GRAMD2B: variants seen among roughly 807,000 people sequenced by gnomAD.
GRAMD2B encodes GRAM domain-containing protein 2B.
GRAMD2B carries 41 observed loss-of-function variants against 59.2 expected under a neutral mutation model. The observed-to-expected ratio is 0.69, with a 90% CI of 0.54 to 0.90. The LOEUF is 0.90. Among genes scored for constraint, GRAMD2B ranks in the 40% least tolerant of loss-of-function variants. GRAMD2B has a pLI of 0.00. For missense variants in GRAMD2B, 424 were observed against 500.5 expected, an observed-to-expected ratio of 0.85 and a Z score of 1.46; for synonymous variants, 161 against 182.7, an observed-to-expected ratio of 0.88 and a Z score of 0.96.
chr5:126,450,692 G>A (rs1765189766), intron 1 of GRAMD2B, among the ~76,000 whole-genome samples: 1 of 141,950 alleles, frequency 7.0e-6, no homozygotes, highest in African/African-American at 2.6e-5. Context: ...TGCTCACTCT[G>A]TCCCGGCCAG....
intron 11 of GRAMD2B, 119 bp from the exon 12 acceptor site, chr5:126,486,754 T>C (rs998792328): frequency 2.1e-5 from 13 of 626,630 alleles, no homozygotes; most frequent in Non-Finnish European, 2.9e-5. Flanking sequence ...AAAATCTTTT[T>C]ACCAAGTTAT....
intron 1 of GRAMD2B, among the ~76,000 whole-genome samples, chr5:126,418,400 A>C (rs377633690): frequency 1.1e-4 from 16 of 152,354 alleles, no homozygotes; most frequent in African/African-American, 3.8e-4. Context: ...TCAATTAACC[A>C]GATTTAAATT....
upstream of GRAMD2B, among the ~76,000 whole-genome samples, chr5:126,367,787 T>C (rs1376391815): frequency 6.6e-6 from 1 of 152,252 alleles, no homozygotes. Flanking sequence ...ATTCTCACTC[T>C]GTCGCCCAGG....
intron 1 of GRAMD2B, among the ~76,000 whole-genome samples, chr5:126,404,793 A>G (rs796864811): frequency 2.6e-5 from 4 of 152,046 alleles, no homozygotes; most frequent in African/African-American, 7.2e-5. Flanking sequence ...CACCATCTCC[A>G]TGTCAACAGG....
At chr5:126,360,511 T>C (rs1011720245) in intron 1 of GRAMD2B, 2 of 1,525,890 alleles carry the variant, frequency 1.3e-6, no homozygotes, top group South Asian at 1.2e-5. Context: ...GGAGTGTGGC[T>C]TCTGTGGTTT....
At chr5:126,481,638 G>C (rs777554602) in intron 8 of GRAMD2B, among the ~76,000 whole-genome samples, 3 of 152,074 alleles carry the variant, frequency 2.0e-5, no homozygotes, top group Non-Finnish European at 4.4e-5. Context: ...TTTAAATGTG[G>C]TATACCTATA....
chr5:126,429,122 G>T (rs1761122529), intron 1 of GRAMD2B, among the ~76,000 whole-genome samples: 1 of 152,054 alleles, frequency 6.6e-6, no homozygotes, highest in African/African-American at 2.4e-5. Flanking sequence ...CAATAGCAAA[G>T]ACATGGAATC....
At position 126,488,825 on chromosome 5, in the gene GRAMD2B, C is replaced by T; in HGVS notation, c.1190C>T (p.Ser397Leu). 2.5e-6 allele frequency: 4 copies of T among 1,613,644 alleles called. No individual in the cohort carries two copies. Among genetic ancestry groups the T allele is most frequent in the Non-Finnish European group, 3.4e-6 (4 of 1,179,654 alleles). The change falls in exon 13 of 14, where the codon TCA becomes TTA. Residue 397 changes from serine to leucine, a missense_variant. Coordinates refer to ENST00000285689, the MANE Select transcript of GRAMD2B (RefSeq NM_023927.4). ...CAGGCAGCACCATCTGGCCTGAGGT[C>T]ACAAGTACAATTCAATGTGGAGGTT... ...TEQAAPSGLR[S>L]QVQFNVEVLC...
chr5:126,465,647 C>G, intron 2 of GRAMD2B, 102 bp downstream of exon 2: 13 of 1,003,514 alleles, frequency 1.3e-5, no homozygotes, highest in Non-Finnish European at 1.9e-5. Flanking sequence ...TGTATTAATA[C>G]TATAGACAAA....
chr5:126,480,665 T>C lies in GRAMD2B; in HGVS notation c.693T>C (p.Ala231=). 6.2e-7 allele frequency: 1 copy of C among 1,614,180 alleles called. No individual in the cohort carries two copies. The highest frequency in any genetic ancestry group is 2.2e-5 in the East Asian group (1 of 44,884). Residue 231 remains alanine, a synonymous_variant, in exon 8 of 14, where the codon GCT becomes GCC. Coordinates refer to ENST00000285689, the MANE Select transcript of GRAMD2B (RefSeq NM_023927.4). ...GTAACAGTCCCAATCCATCTTCTGCTGAAAACAGTTTCCGAGCAGACCGCC... is the reference window on the plus strand; with the variant it reads ...GTAACAGTCCCAATCCATCTTCTGCCGAAAACAGTTTCCGAGCAGACCGCC... ...SVGNSPNPSS[A]ENSFRADRPS... is the part of the protein sequence containing the mutation.
intron 1 of GRAMD2B, 160 bp from the exon 2 acceptor site, chr5:126,465,266 G>A: frequency 6.8e-7 from 1 of 1,470,708 alleles, no homozygotes; most frequent in Non-Finnish European, 9.0e-7. Context: ...CAAGGGGTTA[G>A]AATGGAGATT....
chr5:126,478,295 A>G (rs1284459933), intron 6 of GRAMD2B, among the ~76,000 whole-genome samples: 3 of 151,794 alleles, frequency 2.0e-5, no homozygotes, highest in Admixed American at 6.6e-5. Context: ...AAAATTAGCC[A>G]GGTGTGGTGG....
chr5:126,412,594 G>A, intron 1 of GRAMD2B, among the ~76,000 whole-genome samples: 1 of 152,038 alleles, frequency 6.6e-6, no homozygotes, highest in Admixed American at 6.6e-5. Context: ...TCTTTACCAG[G>A]TTTTGGTATC....
intron 1 of GRAMD2B, among the ~76,000 whole-genome samples, chr5:126,408,654 C>T (rs1036442707): frequency 6.6e-5 from 10 of 150,768 alleles, no homozygotes; most frequent in African/African-American, 9.7e-5. Flanking sequence ...CTGAAGTTAG[C>T]TCCTAAGAAG....
chr5:126,365,965 T>C (rs576414079), intron 1 of GRAMD2B, among the ~76,000 whole-genome samples: 23 of 152,348 alleles, frequency 1.5e-4, no homozygotes, highest in African/African-American at 5.3e-4. Context: ...AGAAAGATTA[T>C]CTAAAGTCCA....
chr5:126,489,715 TA>T (rs1363523217), intron 13 of GRAMD2B, among the ~76,000 whole-genome samples: 1 of 152,168 alleles, frequency 6.6e-6, no homozygotes, highest in African/African-American at 2.4e-5. Flanking sequence ...ATCCCAGAAA[TA>T]AACCTGATTT....
chr5:126,449,847 C>T (rs1765013584), intron 1 of GRAMD2B, among the ~76,000 whole-genome samples: 1 of 152,132 alleles, frequency 6.6e-6, no homozygotes. Context: ...GTGTCACATC[C>T]TGTGAACACC....
At chr5:126,364,348 A>G (rs2149684273) in intron 1 of GRAMD2B, among the ~76,000 whole-genome samples, 1 of 152,340 alleles carries the variant, frequency 6.6e-6, no homozygotes, top group South Asian at 2.1e-4. Context: ...AATTCAGAAA[A>G]TTGTGGAAAT....
chr5:126,454,607 A>G (rs1765940813), intron 1 of GRAMD2B, among the ~76,000 whole-genome samples: 1 of 152,214 alleles, frequency 6.6e-6, no homozygotes, highest in Non-Finnish European at 1.5e-5. Flanking sequence ...AGGAGTAGAT[A>G]TAGAGGCAGG....
Sources: gnomAD v4.1 joint callset for allele counts (sites outside exome capture counted in the v4.1 genomes callset) on GRCh38, gnomAD v4.1.1 for gene constraint, MANE v1.5 for transcripts, NCBI Gene and HGNC (gene_info 2026-07-23, HGNC 2026-07-21) for gene names.